The following PJA2 variants were observed in gnomAD, a reference collection of about 807,000 sequenced individuals.
The protein encoded by PJA2 is praja ring finger ubiquitin ligase 2, also known as E3 ubiquitin-protein ligase Praja-2.
In PJA2, 25 loss-of-function variants were observed where a neutral mutation model predicts 69.3. That is an observed-to-expected ratio of 0.36 (90% CI 0.26 to 0.50). The LOEUF (loss-of-function observed/expected upper bound fraction) is 0.50, where lower values mean the gene tolerates loss of function less well. Ranked by LOEUF, PJA2 falls within the 20% of genes least tolerant of loss-of-function variation. PJA2 has a pLI of 0.96. For synonymous variants in PJA2, 308 were observed against 277.8 expected, an observed-to-expected ratio of 1.11 and a Z score of -1.08; for missense variants, 809 against 830.2, an observed-to-expected ratio of 0.97 and a Z score of 0.31.
At chr5:109,396,921 T>G (rs1454790315) in intron 1 of PJA2, among the ~76,000 whole-genome samples, 2 of 151,894 alleles carry the variant, frequency 1.3e-5, no homozygotes, top group Non-Finnish European at 2.9e-5. Context: ...ATAAGAAAAT[T>G]TAGTGATATT....
chr5:109,361,329 A>G (rs553976758), intron 6 of PJA2, among the ~76,000 whole-genome samples: 1 of 152,352 alleles, frequency 6.6e-6, no homozygotes, highest in Non-Finnish European at 1.5e-5. Context: ...TGGGGAAGAA[A>G]AAGTTCACTG....
chr5:109,354,926 G>C (rs942769655), intron 7 of PJA2, among the ~76,000 whole-genome samples: 1 of 151,698 alleles, frequency 6.6e-6, no homozygotes, highest in African/African-American at 2.4e-5. Context: ...ACCAGCCTGG[G>C]TAACATAATT....
At chr5:109,408,305 G>C (rs1294949793) in intron 1 of PJA2, among the ~76,000 whole-genome samples, 1 of 152,030 alleles carries the variant, frequency 6.6e-6, no homozygotes, top group Non-Finnish European at 1.5e-5. Context: ...AAATTAGAAA[G>C]TTATTTTCAT....
intron 1 of PJA2, among the ~76,000 whole-genome samples, chr5:109,384,295 T>C (rs946503055): frequency 6.8e-6 from 1 of 147,814 alleles, no homozygotes; most frequent in African/African-American, 2.7e-5. Flanking sequence ...CAATAATTAA[T>C]GTGTGTAAAT....
At chr5:109,386,485 C>A (rs1415882922) in intron 1 of PJA2, among the ~76,000 whole-genome samples, 2 of 152,226 alleles carry the variant, frequency 1.3e-5, no homozygotes, top group East Asian at 3.9e-4. Flanking sequence ...TAATGTGATT[C>A]CACTTTTCTT....
chr5:109,397,657 T>C (rs1747446457), intron 1 of PJA2, among the ~76,000 whole-genome samples: 1 of 151,572 alleles, frequency 6.6e-6, no homozygotes, highest in Non-Finnish European at 1.5e-5. Context: ...CAGCTGGGAT[T>C]ACAGGCACCC....
intron 8 of PJA2, 36 bp from the exon 9 acceptor site, chr5:109,344,347 A>G (rs755215890): frequency 1.1e-5 from 17 of 1,561,696 alleles, no homozygotes; most frequent in Non-Finnish European, 1.4e-5. Context: ...AATCACACGT[A>G]GTTCAATTTT....
chr5:109,408,209 GGT>G (rs1456260595), intron 1 of PJA2, among the ~76,000 whole-genome samples: 3 of 151,978 alleles, frequency 2.0e-5, no homozygotes, highest in Non-Finnish European at 4.4e-5. Flanking sequence ...AAGTGGAAGC[GGT>G]AATTTTTACC....
Position 109,378,983 on chromosome 5 carries a change from A to G in PJA2, c.504T>C (p.Tyr168=), listed in dbSNP as rs772686241. The G allele has an allele frequency of 8.1e-6, 13 of 1,614,064 alleles. No individual in the cohort carries two copies. The highest frequency in any genetic ancestry group is 1.3e-5 in the African/African-American group (1 of 74,932). ...CTTCTCCATGTTTGCCATCTGGATCATAAGAGTCTGTATGAACCAATGCAA... is the reference window on the plus strand; with the variant it reads ...CTTCTCCATGTTTGCCATCTGGATCGTAAGAGTCTGTATGAACCAATGCAA... ...NGIALVHTDS[Y]DPDGKHGEDN... is the part of the protein sequence containing the mutation. The change falls in exon 4 of 10, where the codon TAT becomes TAC. Residue 168 remains tyrosine (Y), a synonymous_variant. Transcript: ENST00000361189.
intron 2 of PJA2, 81 bp downstream of exon 2, chr5:109,383,322 T>A: frequency 8.1e-7 from 1 of 1,237,828 alleles, no homozygotes; most frequent in Non-Finnish European, 1.2e-6. Context: ...GGTCAGATGA[T>A]CATATGTCAC....
At chr5:109,353,518 AT>A (rs1762318027) in intron 7 of PJA2, among the ~76,000 whole-genome samples, 1 of 133,820 alleles carries the variant, frequency 7.5e-6, no homozygotes, top group Non-Finnish European at 1.5e-5. Context: ...AGATATCTAT[AT>A]ATTAGATATC....
In PJA2 at chr5:109,409,956, T is replaced by TGGCGGC. The variant is rs574960372; in HGVS notation, c.-208_-203dup. 9.5e-5 allele frequency: 20 copies of TGGCGGC among 210,912 alleles called. No individual in the cohort carries two copies. The East Asian group carries it at 9.9e-4, about 10-fold the overall frequency. 13.1% of individuals were successfully genotyped at this position (210,912 alleles called of 1,614,324 possible). ...CCGAACGCGAAGCGGCTGGCGGCTG[T>TGGCGGC]GGCGGCGGCGGCGGCGGTGGCGGCG... On this transcript the variant is annotated 5_prime_UTR_variant, in exon 1 of 10. Transcript: ENST00000361189.
chr5:109,365,144 A>T (rs1241248681), intron 5 of PJA2, among the ~76,000 whole-genome samples: 1 of 152,190 alleles, frequency 6.6e-6, no homozygotes, highest in Non-Finnish European at 1.5e-5. Flanking sequence ...TATTTCTCCT[A>T]AACATGTACA....
rs1000689059 is a variant in PJA2, at chr5:109,364,908, C to A, written c.1470-1886G>T. ...GATGCTCTGCCTCATTTATAATAAG[C>A]AAAATGCAAATTAAAACAACTGAAA... On this transcript the variant is annotated intron_variant, in intron 5 of 9. Coordinates refer to ENST00000361189, the MANE Select transcript of PJA2 (RefSeq NM_014819.5). 3.3e-5 allele frequency among the ~76,000 whole-genome samples: 5 copies of A among 152,038 alleles called. No individual in the cohort carries two copies. The South Asian group carries it at 8.3e-4, about 25-fold the overall frequency.
chr5:109,401,324 G>A (rs1227567960), intron 1 of PJA2, among the ~76,000 whole-genome samples: 1 of 152,138 alleles, frequency 6.6e-6, no homozygotes, highest in East Asian at 1.9e-4. Flanking sequence ...CCTGGGCACA[G>A]TGGCTCAGGC....
chr5:109,353,628 C>G lies in PJA2; in HGVS notation c.1764+2287G>C, dbSNP rs1170369363. Among the ~76,000 whole-genome samples, 2 of 91,100 alleles carry G rather than the reference C, an allele frequency of 2.2e-5. 1 individual carries two copies. The highest frequency in any genetic ancestry group is 4.0e-5 in the Non-Finnish European group (2 of 50,264). The allele number at this position is 91,100 out of a possible 152,430, so 59.8% of individuals were successfully genotyped here. On this transcript the variant is annotated intron_variant, in intron 7 of 9. Coordinates refer to ENST00000361189, the MANE Select transcript of PJA2 (RefSeq NM_014819.5). ...TCATAGACATCTATATATTAGATAC[C>G]TATATCATAGATATCTATATATTAG...
Position 109,383,462 on chromosome 5 carries a change from G to A in PJA2, c.-29C>T. ...TGGCAGCGTCTGTGTGACCAGTTCA[G>A]TAGAATTATAGATGTGATTTAGTTT... On this transcript the variant is annotated 5_prime_UTR_variant, in exon 2 of 10. Coordinates refer to ENST00000361189, the MANE Select transcript of PJA2 (RefSeq NM_014819.5). The A allele has an allele frequency of 6.3e-7, 1 of 1,585,006 alleles. No homozygotes were observed.
intron 4 of PJA2, among the ~76,000 whole-genome samples, chr5:109,372,915 A>G (rs1293671617): frequency 7.3e-6 from 1 of 136,970 alleles, no homozygotes; most frequent in African/African-American, 2.7e-5. Flanking sequence ...CAAAAAAAAA[A>G]AAAAAAAAAA....
At chr5:109,402,481 G>C (rs76542016) in intron 1 of PJA2, among the ~76,000 whole-genome samples, 5,265 of 152,182 alleles carry the variant, frequency 0.035, 120 homozygotes, top group South Asian at 0.048. Flanking sequence ...TCACCAAAAA[G>C]TTTTAACAAT....
Sources: gnomAD v4.1 joint callset for allele counts (sites outside exome capture counted in the v4.1 genomes callset) on GRCh38, gnomAD v4.1.1 for gene constraint, MANE v1.5 for transcripts, NCBI Gene and HGNC (gene_info 2026-07-23, HGNC 2026-07-21) for gene names.